Variants in LCOR observed in about 807,000 individuals in gnomAD.
LCOR encodes the protein ligand-dependent corepressor.
In LCOR, 14 loss-of-function variants were observed where a neutral mutation model predicts 64.4. The ratio of observed to expected loss-of-function variants is 0.22; its 90% CI spans 0.14 to 0.34. LCOR has a LOEUF of 0.34. Ranked by LOEUF, LCOR falls within the 10% of genes least tolerant of loss-of-function variation. LCOR has a pLI of 1.00. For missense variants in LCOR, 1,686 were observed against 1,765.3 expected (o/e 0.96, Z 0.80); for synonymous variants, 643 against 642.5 (o/e 1.00, Z -0.01).
At chr10:96,865,979 T>G (rs1187396323) in intron 2 of LCOR, among the ~76,000 whole-genome samples, 1 of 152,138 alleles carries the variant, frequency 6.6e-6, no homozygotes, top group African/African-American at 2.4e-5. Context: ...CAGTAACTGA[T>G]TCCTATCATT....
intron 2 of LCOR, among the ~76,000 whole-genome samples, chr10:96,853,543 C>A (rs1406372936): frequency 6.6e-6 from 1 of 152,114 alleles, no homozygotes; most frequent in East Asian, 1.9e-4. Context: ...TAGGCTTGCT[C>A]ATGTAGTCAG....
At chr10:96,853,709 G>C (rs1845756909) in intron 2 of LCOR, among the ~76,000 whole-genome samples, 1 of 152,150 alleles carries the variant, frequency 6.6e-6, no homozygotes, top group Non-Finnish European at 1.5e-5. Context: ...GCTTGGGCCT[G>C]TTACCACGTA....
intron 2 of LCOR, among the ~76,000 whole-genome samples, chr10:96,841,108 T>C (rs1036562109): frequency 6.6e-6 from 1 of 152,168 alleles, no homozygotes; most frequent in Non-Finnish European, 1.5e-5. Flanking sequence ...TGCATCACTG[T>C]ACTCTAGCCT....
At chr10:96,911,721 A>C (rs926925362) in intron 4 of LCOR, among the ~76,000 whole-genome samples, 8 of 152,162 alleles carry the variant, frequency 5.3e-5, no homozygotes, top group African/African-American at 1.2e-4. Context: ...TGACTGACTG[A>C]CTGCCTGACT....
chr10:96,881,463 T>G (rs1410917837), intron 2 of LCOR, among the ~76,000 whole-genome samples: 2 of 107,514 alleles, frequency 1.9e-5, no homozygotes, highest in Admixed American at 8.6e-5. Flanking sequence ...TTGTTTTTTG[T>G]TTTTTTTTTT....
chr10:96,916,536 A>C (rs763959199), intron 4 of LCOR, among the ~76,000 whole-genome samples: 4 of 151,118 alleles, frequency 2.6e-5, no homozygotes, highest in Non-Finnish European at 4.4e-5. Context: ...AAAAATTTCA[A>C]TATAGTTTCT....
chr10:96,860,826 G>A (rs1298454740), intron 2 of LCOR, among the ~76,000 whole-genome samples: 1 of 152,148 alleles, frequency 6.6e-6, no homozygotes, highest in Non-Finnish European at 1.5e-5. Flanking sequence ...ACATTTCTTA[G>A]TGTGTCCTAC....
At chr10:96,897,101 CAAA>C (rs370380714) in intron 2 of LCOR, among the ~76,000 whole-genome samples, 1,219 of 78,858 alleles carry the variant, frequency 0.015, 11 homozygotes, top group Middle Eastern at 0.029. Flanking sequence ...GAAAGAAAAG[CAAA>C]AAAAAAAAAA....
At chr10:96,972,339 C>G (rs556534250) in intron 7 of LCOR, among the ~76,000 whole-genome samples, 2 of 151,812 alleles carry the variant, frequency 1.3e-5, no homozygotes, top group East Asian at 3.9e-4. Flanking sequence ...ATAGTCTTAC[C>G]AAGGATGATG....
At chr10:96,899,231 G>A (rs1231410459) in intron 2 of LCOR, among the ~76,000 whole-genome samples, 1 of 152,094 alleles carries the variant, frequency 6.6e-6, no homozygotes, top group Non-Finnish European at 1.5e-5. Context: ...TTTGGTCTTA[G>A]GGCAAGAGAT....
In LCOR at chr10:96,832,862, C is replaced by T. The variant is rs1186687789; in HGVS notation, c.-404+463C>T. ...CCGCGCTGTGGCCGCCGCCGTCCTCCTCCTGCGCCACCCCTCCCCCACGCG... is the reference window on the plus strand; with the variant it reads ...CCGCGCTGTGGCCGCCGCCGTCCTCTTCCTGCGCCACCCCTCCCCCACGCG... On this transcript the variant is annotated intron_variant, in intron 1 of 7. Transcript: ENST00000421806. The T allele has an allele frequency of 9.1e-5, 39 of 427,608 alleles. No individual in the cohort carries two copies. The South Asian group carries it at 2.9e-3, about 32-fold the overall frequency. 26.5% of individuals were successfully genotyped at this position (427,608 alleles called of 1,614,324 possible).
chr10:96,866,765 G>A (rs542088572), intron 2 of LCOR, among the ~76,000 whole-genome samples: 7 of 152,018 alleles, frequency 4.6e-5, no homozygotes, highest in South Asian at 4.1e-4. Flanking sequence ...TAGTAGAGAC[G>A]GGGTTTTACT....
rs531089802 is a variant in LCOR, at chr10:96,957,603, G to A, written c.332+5407G>A. 17 of 985,342 alleles carry A rather than the reference G, an allele frequency of 1.7e-5. No individual in the cohort carries two copies. The South Asian group carries it at 5.6e-4, about 33-fold the overall frequency. 61.0% of individuals were successfully genotyped at this position (985,342 alleles called of 1,614,324 possible). The stretch of plus-strand genomic sequence containing the variant: ...TGTAAAATAAAATTAAAATTGGAGG[G>A]TTGGTTAGATTGATTTCAGATGGAT... On this transcript the variant is annotated intron_variant, in intron 7 of 7. Transcript: ENST00000421806.
At chr10:96,955,239 A>T in intron 7 of LCOR, 4 of 1,614,212 alleles carry the variant, frequency 2.5e-6, no homozygotes, top group Non-Finnish European at 3.4e-6. Flanking sequence ...CCTCAGCCGT[A>T]TGAAGTTCAG....
At chr10:96,862,117 A>C (rs1383520905) in intron 2 of LCOR, among the ~76,000 whole-genome samples, 1 of 152,218 alleles carries the variant, frequency 6.6e-6, no homozygotes, top group Non-Finnish European at 1.5e-5. Flanking sequence ...GAAGAGATGC[A>C]TAGGGCAAGG....
At chr10:96,970,389 G>A (rs1268753121) in intron 7 of LCOR, among the ~76,000 whole-genome samples, 3 of 151,742 alleles carry the variant, frequency 2.0e-5, no homozygotes, top group Admixed American at 6.6e-5. Context: ...AGACTGAGAC[G>A]CCGTCTCAAA....
rs1399663667 is a variant in LCOR at position 96,986,868 on chromosome 10, A to T, written c.*1734A>T. 1 of 152,214 alleles carries T rather than the reference A, an allele frequency of 6.6e-6. No homozygotes were observed. Among genetic ancestry groups the T allele is most frequent in the African/African-American group, 2.4e-5 (1 of 41,454 alleles). The allele number at this position is 152,214 out of a possible 1,614,324, so 9.4% of individuals were successfully genotyped here. ...AGATAAGCCCAGATGGACTTTTTTC[A>T]TGCAAATCATGATAATACAGGCCTT... On this transcript the variant is annotated 3_prime_UTR_variant, in exon 8 of 8. Transcript: ENST00000421806.
chr10:96,842,520 T>G (rs887259818), intron 2 of LCOR, among the ~76,000 whole-genome samples: 1 of 152,194 alleles, frequency 6.6e-6, no homozygotes, highest in South Asian at 2.1e-4. Context: ...TGTTTCACTT[T>G]ACAACATAAT....
At position 96,984,748 on chromosome 10, in the gene LCOR, A is replaced by G; in HGVS notation, c.4288A>G (p.Lys1430Glu). The change falls in exon 8 of 8, where the codon AAA becomes GAA. Residue 1430 changes from lysine to glutamate, a missense_variant. By Grantham distance (56) the Lys-to-Glu change is moderately conservative (BLOSUM62 1). Coordinates refer to ENST00000421806, the MANE Select transcript of LCOR (RefSeq NM_001346516.2). ...AGAAAAGCATGCTGATGGAGCCACC[A>G]AAACCCCTGCTGCCAAGAGGCCAGC... ...SKEKHADGAT[K>E]TPAAKRPAAR... 1.2e-6 allele frequency: 2 copies of G among 1,613,738 alleles called. No homozygotes were observed. Among genetic ancestry groups the G allele is most frequent in the African/African-American group, 2.7e-5 (2 of 74,948 alleles).
Sources: gnomAD v4.1 joint callset for allele counts (sites outside exome capture counted in the v4.1 genomes callset) on GRCh38, gnomAD v4.1.1 for gene constraint, MANE v1.5 for transcripts, NCBI Gene and HGNC (gene_info 2026-07-23, HGNC 2026-07-21) for gene names.